Variants in SLC44A5 observed in about 807,000 individuals in gnomAD.
The protein encoded by SLC44A5 is solute carrier family 44 member 5.
In SLC44A5, 57 loss-of-function variants were observed where a neutral mutation model predicts 101.8. The ratio of observed to expected loss-of-function variants is 0.56; its 90% CI spans 0.45 to 0.70. The LOEUF is 0.70. Among genes scored for constraint, SLC44A5 ranks in the 30% least tolerant of loss-of-function variants. The pLI, the probability that SLC44A5 is intolerant of heterozygous loss-of-function variation, is 0.00. For missense variants in SLC44A5, 737 were observed against 853.1 expected (o/e 0.86, Z 1.70); for synonymous variants, 281 against 290.9 (o/e 0.97, Z 0.35).
At chr1:75,415,151 T>A (rs1194339872) in intron 2 of SLC44A5, among the ~76,000 whole-genome samples, 2 of 152,084 alleles carry the variant, frequency 1.3e-5, no homozygotes, top group African/African-American at 4.8e-5. Flanking sequence ...AAAAGTGACA[T>A]AATTTGATAT....
In SLC44A5 at chr1:75,580,993, C is replaced by G. The variant is rs556198411; in HGVS notation, c.-70+30047G>C. 1.9e-3 allele frequency among the ~76,000 whole-genome samples: 282 copies of G among 152,166 alleles called. 3 individuals are homozygous for G. Among genetic ancestry groups the G allele is most frequent in the Middle Eastern group, 0.01 (3 of 294 alleles). On this transcript the variant is annotated intron_variant, in intron 1 of 23. Coordinates refer to ENST00000370859, the MANE Select transcript of SLC44A5 (RefSeq NM_001130058.2). ...AGAAAGATACTTTCTTTCTCAGATACCTACTATCCATAAAGCCTAGCTATA... is the reference window on the plus strand; with the variant it reads ...AGAAAGATACTTTCTTTCTCAGATAGCTACTATCCATAAAGCCTAGCTATA...
intron 2 of SLC44A5, among the ~76,000 whole-genome samples, chr1:75,401,040 T>C (rs1662444867): frequency 6.6e-6 from 1 of 152,210 alleles, no homozygotes; most frequent in Admixed American, 6.5e-5. Flanking sequence ...TACTCTGTCC[T>C]GGCTTCCACC....
chr1:75,448,954 C>T (rs1196570793), intron 2 of SLC44A5, among the ~76,000 whole-genome samples: 1 of 152,136 alleles, frequency 6.6e-6, no homozygotes, highest in Non-Finnish European at 1.5e-5. Context: ...GTACTGCAAT[C>T]ACATTTGCCT....
intron 2 of SLC44A5, among the ~76,000 whole-genome samples, chr1:75,513,621 C>G (rs549143558): frequency 1.3e-5 from 2 of 152,206 alleles, no homozygotes; most frequent in East Asian, 3.9e-4. Context: ...ATTTAAATTC[C>G]TAGTTAAACT....
intron 2 of SLC44A5, among the ~76,000 whole-genome samples, chr1:75,521,106 C>A (rs1393458759): frequency 6.6e-6 from 1 of 152,132 alleles, no homozygotes; most frequent in Non-Finnish European, 1.5e-5. Context: ...CTCTGTTCAA[C>A]CTTACACAAG....
At chr1:75,487,844 G>A (rs1355484966) in intron 2 of SLC44A5, among the ~76,000 whole-genome samples, 4 of 152,148 alleles carry the variant, frequency 2.6e-5, no homozygotes, top group Admixed American at 2.0e-4. Flanking sequence ...GGCCTGTTAG[G>A]AACTGAGCTG....
At chr1:75,304,823 G>T (rs925068721) in intron 4 of SLC44A5, among the ~76,000 whole-genome samples, 2 of 152,038 alleles carry the variant, frequency 1.3e-5, no homozygotes, top group Non-Finnish European at 2.9e-5. Context: ...TTAAAAATGG[G>T]TTGCTTCCCA....
intron 1 of SLC44A5, among the ~76,000 whole-genome samples, chr1:75,584,358 T>C (rs1314427544): frequency 2.6e-5 from 4 of 152,206 alleles, no homozygotes; most frequent in Non-Finnish European, 5.9e-5. Context: ...CTAGTCTAGG[T>C]ACCGTATCAC....
In SLC44A5 at chr1:75,399,078, T is replaced by G. The variant is rs187110334; in HGVS notation, c.14-2457A>C. On this transcript the variant is annotated intron_variant, in intron 2 of 23. Coordinates refer to ENST00000370859, the MANE Select transcript of SLC44A5 (RefSeq NM_001130058.2). ...TGCTTGGAAGGTCTGTTCAGGGGGA[T>G]GAGAACTGGTAGGAGATGGAGGTGG... 5.3e-5 allele frequency among the ~76,000 whole-genome samples: 8 copies of G among 151,976 alleles called. No homozygotes were observed. The East Asian group carries it at 1.6e-3, about 30-fold the overall frequency.
At chr1:75,635,816 A>T in the SLC44A5 span, among the ~76,000 whole-genome samples, 1 of 151,696 alleles carries the variant, frequency 6.6e-6, no homozygotes, top group South Asian at 2.1e-4. Context: ...ATAATAATAA[A>T]AAAAAAATGC....
intron 5 of SLC44A5, among the ~76,000 whole-genome samples, chr1:75,276,366 T>A (rs1212036173): frequency 2.0e-5 from 3 of 152,212 alleles, no homozygotes; most frequent in Non-Finnish European, 4.4e-5. Context: ...TAGTTTGTCA[T>A]GTTTTGGCTA....
chr1:75,533,692 C>G (rs1295595424), intron 2 of SLC44A5, among the ~76,000 whole-genome samples: 1 of 152,106 alleles, frequency 6.6e-6, no homozygotes, highest in Non-Finnish European at 1.5e-5. Context: ...CTCATTTTTT[C>G]TGTAAAAACT....
At chr1:75,290,635 C>T (rs1023120539) in intron 5 of SLC44A5, among the ~76,000 whole-genome samples, 4 of 152,132 alleles carry the variant, frequency 2.6e-5, no homozygotes, top group African/African-American at 9.7e-5. Context: ...TGCTCCTACC[C>T]TCCAATCTCA....
chr1:75,673,100 G>A, the SLC44A5 span, among the ~76,000 whole-genome samples: 1 of 152,096 alleles, frequency 6.6e-6, no homozygotes, highest in Non-Finnish European at 1.5e-5. Flanking sequence ...TTATCTTGTA[G>A]CTTGGTTACC....
chr1:75,582,500 C>A (rs1025278287), intron 1 of SLC44A5: 19 of 579,696 alleles, frequency 3.3e-5, no homozygotes, highest in African/African-American at 2.8e-4. Context: ...GCCTGCAGCT[C>A]CAGCTTCAAT....
chr1:75,670,245 T>A, the SLC44A5 span, among the ~76,000 whole-genome samples: 1 of 152,108 alleles, frequency 6.6e-6, no homozygotes, highest in Non-Finnish European at 1.5e-5. Flanking sequence ...TAATAATCAA[T>A]GATACCTAAA....
chr1:75,317,591 T>G (rs1021643204), intron 4 of SLC44A5, among the ~76,000 whole-genome samples: 1 of 152,156 alleles, frequency 6.6e-6, no homozygotes, highest in Non-Finnish European at 1.5e-5. Context: ...ACATCCTAGA[T>G]GTCTTAACCA....
At chr1:75,332,675 T>A (rs1310848529) in intron 4 of SLC44A5, among the ~76,000 whole-genome samples, 7 of 152,308 alleles carry the variant, frequency 4.6e-5, no homozygotes, top group African/African-American at 9.6e-5. Flanking sequence ...TTATTAGGGA[T>A]GTTGAAGAAG....
intron 2 of SLC44A5, among the ~76,000 whole-genome samples, chr1:75,499,841 C>T (rs563544991): frequency 1.3e-5 from 2 of 152,144 alleles, no homozygotes; most frequent in Non-Finnish European, 2.9e-5. Flanking sequence ...ACTCATTATC[C>T]CTTCTCCTGG....
Sources: allele counts gnomAD v4.1 joint callset (sites outside exome capture counted in the v4.1 genomes callset), GRCh38; gene constraint gnomAD v4.1.1; transcripts MANE v1.5; gene names NCBI Gene and HGNC (gene_info 2026-07-23, HGNC 2026-07-21).